The following FAP variants were observed in gnomAD, a reference collection of about 807,000 sequenced individuals.
The protein encoded by FAP is fibroblast activation protein alpha.
In FAP, 110 loss-of-function variants were observed where a neutral mutation model predicts 126.5. The observed-to-expected ratio is 0.87, with a 90% CI of 0.74 to 1.02. The LOEUF is 1.02. Ranked by LOEUF, FAP falls within the 50% of genes least tolerant of loss-of-function variation. The probability of loss-of-function intolerance (pLI) is 0.00; values close to 1 mark genes in which losing one functional copy is unlikely to be tolerated. For missense variants in FAP, 919 were observed against 909.2 expected, an observed-to-expected ratio of 1.01 and a Z score of -0.14; for synonymous variants, 334 against 297.3, an observed-to-expected ratio of 1.12 and a Z score of -1.27.
At chr2:162,214,446 TGA>T (rs1467651169) in intron 10 of FAP, among the ~76,000 whole-genome samples, 1 of 151,928 alleles carries the variant, frequency 6.6e-6, no homozygotes, top group Admixed American at 6.6e-5. Context: ...TATAATTAGT[TGA>T]GAGAGAGACA....
intron 12 of FAP, 103 bp downstream of exon 12, chr2:162,209,849 G>A (rs1229593424): frequency 1.0e-6 from 1 of 1,000,254 alleles, no homozygotes; most frequent in East Asian, 2.5e-5. Flanking sequence ...CTTTTTCTAT[G>A]AAAATAAGTA....
intron 12 of FAP, among the ~76,000 whole-genome samples, chr2:162,207,796 C>T (rs1008425562): frequency 2.0e-5 from 3 of 151,464 alleles, no homozygotes; most frequent in Non-Finnish European, 4.4e-5. Flanking sequence ...CTGCAAGCTC[C>T]GCCTCCCAGG....
rs16846366 is a variant in FAP, at chr2:162,209,380, A to G, written c.1047+572T>C. Among the ~76,000 whole-genome samples, 208 of 152,296 alleles carry G rather than the reference A, an allele frequency of 1.4e-3. 5 individuals are homozygous for G. In the East Asian group the frequency reaches 0.025, roughly 18 times the overall value. ...CCTCAAGCGTTATTTTACATTAAAA[A>G]TCCTCATAAATTATTGAATAAACCT... On this transcript the variant is annotated intron_variant, in intron 12 of 25. Transcript: ENST00000188790.
At chr2:162,240,880 G>T (rs1457574598) in intron 2 of FAP, among the ~76,000 whole-genome samples, 2 of 152,178 alleles carry the variant, frequency 1.3e-5, no homozygotes. Context: ...TGAGAGTGAG[G>T]ACTGGACCTG....
chr2:162,223,304 G>A (rs1191237289), intron 6 of FAP, among the ~76,000 whole-genome samples: 1 of 151,848 alleles, frequency 6.6e-6, no homozygotes, highest in Non-Finnish European at 1.5e-5. Flanking sequence ...GAATGTTTTT[G>A]TGCTTTCCTA....
chr2:162,180,939 G>T (rs1455912477), intron 21 of FAP, among the ~76,000 whole-genome samples: 1 of 151,968 alleles, frequency 6.6e-6, no homozygotes, highest in East Asian at 1.9e-4. Flanking sequence ...GACTAATGAG[G>T]GTCAAGGCGA....
intron 21 of FAP, 130 bp from the exon 22 acceptor site, chr2:162,175,096 T>C (rs1687438307): frequency 3.3e-6 from 2 of 607,558 alleles, no homozygotes; most frequent in Non-Finnish European, 3.0e-6. Context: ...GGATTACATG[T>C]CTATCTTGCA....
chr2:162,221,243 T>C (rs967767676), intron 6 of FAP, among the ~76,000 whole-genome samples: 2 of 152,018 alleles, frequency 1.3e-5, no homozygotes, highest in African/African-American at 4.8e-5. Context: ...AGAGCCCAGT[T>C]AAAAGATTGA....
chr2:162,184,514 G>A (rs950562930), intron 20 of FAP, among the ~76,000 whole-genome samples: 2 of 152,176 alleles, frequency 1.3e-5, no homozygotes. Context: ...GCACGTTTCC[G>A]ATGCATAGAG....
rs113834220 is a variant in FAP at position 162,202,034 on chromosome 2, G to A, written c.1223+838C>T. Among the ~76,000 whole-genome samples the A allele has an allele frequency of 1.2e-3, 190 of 152,324 alleles. 2 individuals are homozygous for A. Among genetic ancestry groups the A allele is most frequent in the African/African-American group, 4.2e-3 (174 of 41,566 alleles). ...AAAGATTCGTAATAGATTTCCGACA[G>A]GCTTTTATTCCATGAGCCTGGACTA... On this transcript the variant is annotated intron_variant, in intron 14 of 25. Coordinates refer to ENST00000188790, the MANE Select transcript of FAP (RefSeq NM_004460.5).
At chr2:162,187,729 C>T (rs961185675) in intron 20 of FAP, among the ~76,000 whole-genome samples, 5 of 152,070 alleles carry the variant, frequency 3.3e-5, no homozygotes, top group African/African-American at 1.2e-4. Flanking sequence ...AGTTTAACCA[C>T]AAATGAAGGC....
At chr2:162,201,780 G>GT (rs1436172819) in intron 14 of FAP, among the ~76,000 whole-genome samples, 3 of 152,142 alleles carry the variant, frequency 2.0e-5, no homozygotes, top group Non-Finnish European at 4.4e-5. Flanking sequence ...AAAGAAGGAG[G>GT]TGCAGTTTTG....
chr2:162,223,297 T>A (rs773152586), intron 6 of FAP, among the ~76,000 whole-genome samples: 58 of 152,138 alleles, frequency 3.8e-4, no homozygotes, highest in Non-Finnish European at 6.3e-4. Flanking sequence ...TTTCCAAGAA[T>A]GTTTTTGTGC....
At chr2:162,189,043 T>C (rs1687950174) in intron 19 of FAP, 60 bp downstream of exon 19, 1 of 1,061,072 alleles carries the variant, frequency 9.4e-7, no homozygotes, top group African/African-American at 1.6e-5. Context: ...TTCATAAATG[T>C]GTATTTCATC....
intron 14 of FAP, among the ~76,000 whole-genome samples, chr2:162,202,083 A>T (rs191656828): frequency 4.9e-4 from 74 of 152,358 alleles, no homozygotes; most frequent in Admixed American, 4.7e-3. Flanking sequence ...TTTTGCTCCT[A>T]GAATTTCAGC....
intron 17 of FAP, among the ~76,000 whole-genome samples, chr2:162,191,868 C>T (rs1221666332): frequency 6.6e-6 from 1 of 152,102 alleles, no homozygotes; most frequent in African/African-American, 2.4e-5. Flanking sequence ...ATAAACTTCC[C>T]CCTCTTTGCA....
intron 20 of FAP, among the ~76,000 whole-genome samples, chr2:162,185,937 T>C (rs551357085): frequency 5.9e-5 from 9 of 152,266 alleles, no homozygotes; most frequent in African/African-American, 2.2e-4. Context: ...ATTATAAGGC[T>C]TCCTTTTCAC....
chr2:162,200,684 A>G lies in FAP; in HGVS notation c.1224-65T>C. On this transcript the variant is annotated intron_variant, in intron 14 of 25. Coordinates refer to ENST00000188790, the MANE Select transcript of FAP (RefSeq NM_004460.5). ...AGTGATAATAGGATTGTTAGTATTA[A>G]TACTAATATAGTATCAATATAGGTA... is the stretch of plus-strand genomic sequence containing the variant. The G allele has an allele frequency of 4.1e-6, 3 of 726,398 alleles. No homozygotes were observed. The South Asian group carries it at 5.3e-5, about 13-fold the overall frequency. 45.0% of individuals were successfully genotyped at this position (726,398 alleles called of 1,614,324 possible). A position where few individuals can be genotyped will look rare whatever the true frequency, so the allele number is the denominator to read the frequency against.
rs911992978 is a variant in FAP at position 162,173,798 on chromosome 2, T to C, written c.1970-11A>G. 1.3e-6 allele frequency: 2 copies of C among 1,534,298 alleles called. No homozygotes were observed. The highest frequency in any genetic ancestry group is 1.8e-6 in the Non-Finnish European group (2 of 1,108,380). ...CTGTGTAGACAGACGCTATAAAATATATGAGAATATGCATTGTTTGCATGT... is the reference window on the plus strand; with the variant it reads ...CTGTGTAGACAGACGCTATAAAATACATGAGAATATGCATTGTTTGCATGT... On this transcript the variant is annotated splice_polypyrimidine_tract_variant and intron_variant, in intron 22 of 25. Coordinates refer to ENST00000188790, the MANE Select transcript of FAP (RefSeq NM_004460.5).
Sources: gnomAD v4.1 joint callset for allele counts (sites outside exome capture counted in the v4.1 genomes callset) on GRCh38, gnomAD v4.1.1 for gene constraint, MANE v1.5 for transcripts, NCBI Gene and HGNC (gene_info 2026-07-23, HGNC 2026-07-21) for gene names.